The following DYM variants were observed in gnomAD, a reference collection of about 807,000 sequenced individuals.
DYM encodes dymeclin.
In DYM, 78 loss-of-function variants were observed where a neutral mutation model predicts 93.1. The observed-to-expected ratio is 0.84, with a 90% CI of 0.70 to 1.01. The LOEUF is 1.01. Ranked by LOEUF, DYM falls within the 50% of genes least tolerant of loss-of-function variation. The pLI, the probability that DYM is intolerant of heterozygous loss-of-function variation, is 0.00. For synonymous variants in DYM, 321 were observed against 319.7 expected, an observed-to-expected ratio of 1.00 and a Z score of -0.04; for missense variants, 789 against 845.0, an observed-to-expected ratio of 0.93 and a Z score of 0.82.
At chr18:49,079,223 A>G (rs1274767922) in intron 17 of DYM, among the ~76,000 whole-genome samples, 2 of 152,196 alleles carry the variant, frequency 1.3e-5, no homozygotes, top group Non-Finnish European at 2.9e-5. Flanking sequence ...AAAATGAGGA[A>G]AGCCATAGTA....
At chr18:49,378,792 G>A (rs904960667) in intron 4 of DYM, 92 bp from the exon 5 acceptor site, 12 of 1,345,936 alleles carry the variant, frequency 8.9e-6, no homozygotes, top group South Asian at 3.6e-5. Flanking sequence ...TTTGACAACC[G>A]TTTTGTCCAT....
chr18:49,116,782 C>A (rs1236264009), intron 16 of DYM, among the ~76,000 whole-genome samples: 1 of 152,140 alleles, frequency 6.6e-6, no homozygotes, highest in South Asian at 2.1e-4. Flanking sequence ...CCACAATTTA[C>A]CATGTTGTCA....
chr18:49,107,968 T>C (rs998647691), intron 16 of DYM, among the ~76,000 whole-genome samples: 1 of 152,254 alleles, frequency 6.6e-6, no homozygotes, highest in African/African-American at 2.4e-5. Flanking sequence ...CAGAGGATTC[T>C]GCTGCCTTTT....
intron 10 of DYM, 127 bp downstream of exon 10, chr18:49,281,870 G>C (rs554243073): frequency 1.1e-6 from 1 of 872,734 alleles, no homozygotes; most frequent in African/African-American, 1.7e-5. Flanking sequence ...GAGTTCCTGG[G>C]TGCAGCACAC....
chr18:49,093,153 C>T (rs890408280), intron 17 of DYM: 1 of 152,114 alleles, frequency 6.6e-6, no homozygotes, highest in African/African-American at 2.4e-5. Context: ...TGGAGAAAAC[C>T]ACCGAGTGTG....
At chr18:49,201,452 A>T (rs75101427) in intron 14 of DYM, among the ~76,000 whole-genome samples, 2,172 of 152,288 alleles carry the variant, frequency 0.014, 50 homozygotes, top group African/African-American at 0.049. Flanking sequence ...CATGACAGTC[A>T]TCAGACGCAG....
At chr18:49,324,868 C>A (rs1342809312) in intron 8 of DYM, among the ~76,000 whole-genome samples, 1 of 152,136 alleles carries the variant, frequency 6.6e-6, no homozygotes, top group African/African-American at 2.4e-5. Context: ...TTATTCCTCA[C>A]AATAACTCTG....
At chr18:49,055,238 G>A (rs1343279628) in intron 17 of DYM, among the ~76,000 whole-genome samples, 1 of 152,158 alleles carries the variant, frequency 6.6e-6, no homozygotes, top group Non-Finnish European at 1.5e-5. Flanking sequence ...GCAGTGAGGT[G>A]TGGCTAGAGG....
Position 49,277,919 on chromosome 18 carries a change from C to T in DYM, c.1125+4078G>A, listed in dbSNP as rs1417027910. Among the ~76,000 whole-genome samples, 3 of 152,076 alleles carry T rather than the reference C, an allele frequency of 2.0e-5. No individual in the cohort carries two copies. In the East Asian group the frequency reaches 5.8e-4, roughly 29 times the overall value. The stretch of plus-strand genomic sequence containing the variant: ...GAACAGTGTCATGCAGCAATGCAGT[C>T]AAATAAGAAAATTATGAAACATGCC... On this transcript the variant is annotated intron_variant, in intron 10 of 17. Transcript: ENST00000675505.
chr18:49,304,602 C>A (rs1568211839), intron 8 of DYM, among the ~76,000 whole-genome samples: 3 of 152,172 alleles, frequency 2.0e-5, no homozygotes, highest in African/African-American at 7.2e-5. Context: ...AGTTCTCTCT[C>A]CACAAGCCAC....
chr18:49,130,038 C>A (rs1289811224), intron 15 of DYM, among the ~76,000 whole-genome samples: 1 of 152,100 alleles, frequency 6.6e-6, no homozygotes, highest in African/African-American at 2.4e-5. Flanking sequence ...ATCCTATACG[C>A]ATACCAATAT....
intron 1 of DYM, among the ~76,000 whole-genome samples, chr18:49,457,521 T>TTA (rs2083089361): frequency 2.0e-5 from 3 of 152,134 alleles, no homozygotes; most frequent in African/African-American, 7.2e-5. Flanking sequence ...AAAGGAAAAA[T>TTA]GAACAGTCTT....
intron 6 of DYM, among the ~76,000 whole-genome samples, chr18:49,337,664 G>T (rs139432817): frequency 6.6e-6 from 1 of 152,286 alleles, no homozygotes; most frequent in African/African-American, 2.4e-5. Context: ...AAGAAAGAGA[G>T]GAGTCCTAGT....
At chr18:49,407,787 G>A (rs1394325933) in intron 2 of DYM, among the ~76,000 whole-genome samples, 2 of 152,152 alleles carry the variant, frequency 1.3e-5, no homozygotes, top group Admixed American at 6.5e-5. Context: ...AATAAGCTCT[G>A]GGGATTGTAC....
At chr18:49,218,189 C>T (rs2093170249) in intron 13 of DYM, among the ~76,000 whole-genome samples, 1 of 152,142 alleles carries the variant, frequency 6.6e-6, no homozygotes, top group Non-Finnish European at 1.5e-5. Context: ...GGGATCAATT[C>T]AACAAGAAGA....
chr18:49,426,873 C>T (rs894287702), intron 2 of DYM, among the ~76,000 whole-genome samples: 3 of 151,962 alleles, frequency 2.0e-5, no homozygotes, highest in African/African-American at 7.3e-5. Context: ...GTCATGATTA[C>T]ACCAACCCCT....
chr18:49,331,806 G>C, intron 8 of DYM, 58 bp downstream of exon 8: 1 of 1,593,402 alleles, frequency 6.3e-7, no homozygotes, highest in South Asian at 1.1e-5. Flanking sequence ...AATTTCTTAT[G>C]CCTAAATAGA....
intron 13 of DYM, among the ~76,000 whole-genome samples, chr18:49,248,388 T>C (rs577547435): frequency 6.6e-6 from 1 of 152,304 alleles, no homozygotes; most frequent in Non-Finnish European, 1.5e-5. Flanking sequence ...GTTATAATAC[T>C]ATAATAGAGA....
intron 8 of DYM, among the ~76,000 whole-genome samples, chr18:49,291,587 T>C (rs2060118817): frequency 6.6e-6 from 1 of 152,206 alleles, no homozygotes; most frequent in South Asian, 2.1e-4. Context: ...AGTATAGGTA[T>C]AAGCAAACTC....
Sources: allele counts gnomAD v4.1 joint callset (sites outside exome capture counted in the v4.1 genomes callset), GRCh38; gene constraint gnomAD v4.1.1; transcripts MANE v1.5; gene names NCBI Gene and HGNC (gene_info 2026-07-23, HGNC 2026-07-21).